Variants in MYH15 observed in about 807,000 individuals in gnomAD.
MYH15 encodes the protein myosin heavy chain 15, also known as myosin-15.
In MYH15, 227 loss-of-function variants were observed where a neutral mutation model predicts 240.5. The observed-to-expected ratio is 0.94, with a 90% CI of 0.85 to 1.05. The LOEUF (loss-of-function observed/expected upper bound fraction) is 1.05, where lower values mean the gene tolerates loss of function less well. MYH15 is among the 50% of genes least tolerant of loss of function. MYH15 has a pLI of 0.00. For synonymous variants in MYH15, 785 were observed against 796.7 expected (o/e 0.99, Z 0.25); for missense variants, 2,217 against 2,247.5 (o/e 0.99, Z 0.27).
chr3:108,412,871 G>A (rs1283977773), intron 30 of MYH15, among the ~76,000 whole-genome samples: 1 of 152,132 alleles, frequency 6.6e-6, no homozygotes, highest in Non-Finnish European at 1.5e-5. Context: ...TTGTTTTGTA[G>A]CTGCCTACCT....
At chr3:108,393,921 G>C (rs1162240142) in intron 36 of MYH15, 110 bp downstream of exon 36, 4 of 1,505,374 alleles carry the variant, frequency 2.7e-6, no homozygotes, top group Non-Finnish European at 3.6e-6. Flanking sequence ...CCCCCTGGCT[G>C]TATGGGAAAT....
rs548278453 is a variant in MYH15 at position 108,520,180 on chromosome 3, A to G, written c.-58+9083T>C. Among the ~76,000 whole-genome samples the G allele has an allele frequency of 2.0e-5, 3 of 152,324 alleles. No homozygotes were observed. In the South Asian group the frequency reaches 6.2e-4, roughly 32 times the overall value. On this transcript the variant is annotated intron_variant, in intron 1 of 41. Transcript: ENST00000273353. The stretch of plus-strand genomic sequence containing the variant: ...TTTCAGTATGATAAGTAAAAGACAT[A>G]CATTCTCCAAAAGATTATACCGAAA...
intron 19 of MYH15, 86 bp from the exon 20 acceptor site, chr3:108,455,945 G>C: frequency 7.5e-7 from 1 of 1,326,460 alleles, no homozygotes; most frequent in Non-Finnish European, 1.1e-6. Flanking sequence ...GGTGAAAGGA[G>C]ACATAGATTT....
intron 20 of MYH15, among the ~76,000 whole-genome samples, chr3:108,455,170 AT>A (rs1484350417): frequency 1.3e-5 from 2 of 152,224 alleles, no homozygotes; most frequent in Admixed American, 6.5e-5. Flanking sequence ...TGACTGCCAG[AT>A]AACACCAAAT....
chr3:108,453,013 T>A (rs946812550), intron 21 of MYH15, among the ~76,000 whole-genome samples: 1 of 152,188 alleles, frequency 6.6e-6, no homozygotes, highest in Non-Finnish European at 1.5e-5. Flanking sequence ...GATGGCTCCA[T>A]GAGTATGCAT....
chr3:108,383,697 A>T lies in MYH15; in HGVS notation c.5664T>A (p.Tyr1888Ter). 6.2e-7 allele frequency: 1 copy of T among 1,608,624 alleles called. No individual in the cohort carries two copies. The highest frequency in any genetic ancestry group is 1.1e-5 in the South Asian group (1 of 90,622). ...CATTCAACTCATGTTGCTGTTTCTT[A>T]TACTTGGAAAGGTATTGATTGGCTT... ...ETQANQYLSK[Y>*]KKQQHELNEV... The change falls in exon 40 of 41, where the codon TAT becomes TAA. Residue 1888 changes from tyrosine to a stop codon, truncating the protein, a stop_gained. Coordinates refer to ENST00000693548, the MANE Select transcript of MYH15 (RefSeq NM_014981.3). LOFTEE classifies it high-confidence loss of function.
intron 17 of MYH15, among the ~76,000 whole-genome samples, 195 bp downstream of exon 17, chr3:108,460,105 C>T (rs780952105): frequency 6.6e-6 from 1 of 152,072 alleles, no homozygotes; most frequent in Non-Finnish European, 1.5e-5. Flanking sequence ...TGGGTGCAGG[C>T]ATGATAAAGG....
At chr3:108,472,892 T>C (rs2083188594) in intron 12 of MYH15, among the ~76,000 whole-genome samples, 1 of 152,220 alleles carries the variant, frequency 6.6e-6, no homozygotes. Flanking sequence ...AAGGGTTAAA[T>C]GCACCCATTT....
chr3:108,516,990 G>A (rs2083578020), intron 1 of MYH15, among the ~76,000 whole-genome samples: 1 of 152,112 alleles, frequency 6.6e-6, no homozygotes, highest in South Asian at 2.1e-4. Flanking sequence ...TCTTTCTAAT[G>A]ATCTCCTGAA....
chr3:108,430,771 C>T (rs2082771924), intron 26 of MYH15, 61 bp downstream of exon 26: 4 of 1,300,622 alleles, frequency 3.1e-6, no homozygotes, highest in Non-Finnish European at 2.2e-6. Context: ...AGTCATTGAA[C>T]CACCAGTCAT....
chr3:108,457,404 C>T (rs1419228265), intron 18 of MYH15, among the ~76,000 whole-genome samples: 1 of 152,174 alleles, frequency 6.6e-6, no homozygotes, highest in Non-Finnish European at 1.5e-5. Flanking sequence ...TCATTCTCCC[C>T]TTATTTTCAT....
intron 28 of MYH15, among the ~76,000 whole-genome samples, chr3:108,420,120 T>G (rs2082670317): frequency 6.6e-6 from 1 of 151,960 alleles, no homozygotes; most frequent in Non-Finnish European, 1.5e-5. Flanking sequence ...TGTAATAGAT[T>G]GGAAAAACAG....
the MYH15 span, among the ~76,000 whole-genome samples, chr3:108,539,412 C>G: frequency 2.0e-5 from 3 of 152,064 alleles, no homozygotes; most frequent in Non-Finnish European, 4.4e-5. Flanking sequence ...TATGGGAAAA[C>G]ATGTGTTGTG....
At chr3:108,503,457 T>C (rs986155031) in intron 2 of MYH15, among the ~76,000 whole-genome samples, 1 of 152,140 alleles carries the variant, frequency 6.6e-6, no homozygotes, top group Non-Finnish European at 1.5e-5. Flanking sequence ...AACTGAATAA[T>C]GAAGAGGCAA....
upstream of MYH15, among the ~76,000 whole-genome samples, chr3:108,514,283 C>T (rs970531089): frequency 2.0e-5 from 3 of 152,154 alleles, no homozygotes; most frequent in Non-Finnish European, 4.4e-5. Flanking sequence ...GTTGGTCAAC[C>T]TACTTTTAAG....
chr3:108,399,282 C>T lies in MYH15; in HGVS notation c.4737-15G>A, dbSNP rs1560318108. 2 of 1,592,164 alleles carry T rather than the reference C, an allele frequency of 1.3e-6. No homozygotes were observed. The highest frequency in any genetic ancestry group is 8.6e-7 in the Non-Finnish European group (1 of 1,162,664). ...GCTGCTTCCTCCTAATTTGAAATAA[C>T]ATTTGGAGTGGGGGAAATGACACAT... On this transcript the variant is annotated splice_polypyrimidine_tract_variant and intron_variant, in intron 33 of 40. Coordinates refer to ENST00000693548, the MANE Select transcript of MYH15 (RefSeq NM_014981.3).
At chr3:108,509,869 T>C (rs1369418113) in intron 1 of MYH15, among the ~76,000 whole-genome samples, 1 of 152,224 alleles carries the variant, frequency 6.6e-6, no homozygotes, top group South Asian at 2.1e-4. Flanking sequence ...ACCAAGGAAT[T>C]ATGAATCAGG....
chr3:108,426,249 A>G (rs946622266), intron 27 of MYH15, among the ~76,000 whole-genome samples: 4 of 151,532 alleles, frequency 2.6e-5, no homozygotes, highest in African/African-American at 9.7e-5. Flanking sequence ...CAAACATTTG[A>G]TAAGGAAATT....
chr3:108,475,856 T>G (rs13433964), intron 12 of MYH15, among the ~76,000 whole-genome samples: 2,264 of 152,344 alleles, frequency 0.015, 50 homozygotes, highest in African/African-American at 0.052. Context: ...TCAAAGAATT[T>G]GTTATTCTCT....
Sources: gnomAD v4.1 joint callset for allele counts (sites outside exome capture counted in the v4.1 genomes callset) on GRCh38, gnomAD v4.1.1 for gene constraint, MANE v1.5 for transcripts, NCBI Gene and HGNC (gene_info 2026-07-23, HGNC 2026-07-21) for gene names.